The following ADCY8 variants were observed in gnomAD, a reference collection of about 807,000 sequenced individuals.
ADCY8 encodes adenylate cyclase type 8.
ADCY8 carries 51 observed loss-of-function variants against 119.7 expected under a neutral mutation model. The observed-to-expected ratio is 0.43, with a 90% CI of 0.34 to 0.54. ADCY8 has a LOEUF of 0.54. Among genes scored for constraint, ADCY8 ranks in the 20% least tolerant of loss-of-function variants. ADCY8 has a pLI of 0.03. For synonymous variants in ADCY8, 665 were observed against 651.0 expected (o/e 1.02, Z -0.33); for missense variants, 1,383 against 1,598.8 (o/e 0.87, Z 2.30).
At chr8:130,971,838 A>G (rs980515659) in intron 2 of ADCY8, among the ~76,000 whole-genome samples, 3 of 152,210 alleles carry the variant, frequency 2.0e-5, no homozygotes, top group Non-Finnish European at 4.4e-5. Context: ...TGGAGCTTCA[A>G]ATAGTTGGAT....
intron 7 of ADCY8, among the ~76,000 whole-genome samples, chr8:130,889,482 C>T (rs1819107861): frequency 6.6e-6 from 1 of 152,100 alleles, no homozygotes. Flanking sequence ...CTTGAATTGC[C>T]TCTATATGTT....
chr8:130,806,482 T>C (rs1815962519), intron 14 of ADCY8, among the ~76,000 whole-genome samples: 1 of 152,084 alleles, frequency 6.6e-6, no homozygotes, highest in Non-Finnish European at 1.5e-5. Flanking sequence ...GATAAAGGGC[T>C]TAATTAGAAA....
At chr8:130,970,078 C>T (rs1019817569) in intron 2 of ADCY8, among the ~76,000 whole-genome samples, 3 of 152,200 alleles carry the variant, frequency 2.0e-5, no homozygotes, top group Non-Finnish European at 2.9e-5. Flanking sequence ...CATGTGCTTT[C>T]AACCTAATCT....
At chr8:131,035,689 C>T (rs73350478) in intron 1 of ADCY8, among the ~76,000 whole-genome samples, 11,963 of 152,200 alleles carry the variant, frequency 0.079, 1,401 homozygotes, top group African/African-American at 0.25. Context: ...GGAAGGCAAT[C>T]ATTGGCTCAT....
chr8:131,039,925 T>G lies in ADCY8; in HGVS notation c.409A>C (p.Ser137Arg). 1 of 1,609,222 alleles carries G rather than the reference T, an allele frequency of 6.2e-7. No homozygotes were observed. The highest frequency in any genetic ancestry group is 8.5e-7 in the Non-Finnish European group (1 of 1,177,716). Residue 137 changes from serine (S) to arginine (R), a missense_variant, in exon 1 of 18, where the codon AGC becomes CGC. Coordinates refer to ENST00000286355, the MANE Select transcript of ADCY8 (RefSeq NM_001115.3). Reference protein sequence around the residue: ...LGFLHLDCAPSNSDFFLNGGY... With the variant: ...LGFLHLDCAPRNSDFFLNGGY... ...CCATTAAGAAAGAAATCCGAGTTGC[T>G]AGGGGCACAGTCAAGGTGCAGGAAG... is the stretch of plus-strand genomic sequence containing the variant.
At chr8:131,026,553 A>G (rs1014080818) in intron 1 of ADCY8, among the ~76,000 whole-genome samples, 2 of 152,134 alleles carry the variant, frequency 1.3e-5, no homozygotes, top group African/African-American at 4.8e-5. Context: ...AGCCTTTCCC[A>G]CAAATTATGA....
In ADCY8 at chr8:130,909,945, T is replaced by C. The variant is rs1291787247; in HGVS notation, c.1482-79A>G. 1.0e-5 allele frequency: 14 copies of C among 1,370,034 alleles called. No individual in the cohort carries two copies. In the East Asian group the frequency reaches 1.4e-4, roughly 14 times the overall value. The allele number at this position is 1,370,034 out of a possible 1,614,324, so 84.9% of individuals were successfully genotyped here. A position where few individuals can be genotyped will look rare whatever the true frequency, so the allele number is the denominator to read the frequency against. ...TTGGCTCTGCACTTTCTTTTCTTTT[T>C]TTTTTTTTTTGAGACGGAGTTTTGC... On this transcript the variant is annotated intron_variant, in intron 5 of 17. Coordinates refer to ENST00000286355, the MANE Select transcript of ADCY8 (RefSeq NM_001115.3).
intron 11 of ADCY8, among the ~76,000 whole-genome samples, chr8:130,847,124 A>G (rs1817354272): frequency 6.6e-6 from 1 of 151,972 alleles, no homozygotes; most frequent in African/African-American, 2.4e-5. Context: ...TGGAAAATGG[A>G]TAGAAGGAAA....
intron 8 of ADCY8, among the ~76,000 whole-genome samples, chr8:130,875,203 T>C (rs919768720): frequency 6.6e-6 from 1 of 151,556 alleles, no homozygotes. Context: ...AATAAAGGAG[T>C]CTTATAAGGC....
At chr8:131,025,491 G>C (rs1284078480) in intron 1 of ADCY8, among the ~76,000 whole-genome samples, 3 of 152,152 alleles carry the variant, frequency 2.0e-5, no homozygotes, top group Non-Finnish European at 4.4e-5. Context: ...TACTCAACAA[G>C]CTTCTGATAT....
intron 12 of ADCY8, among the ~76,000 whole-genome samples, chr8:130,829,941 C>T (rs960744579): frequency 3.3e-5 from 5 of 152,178 alleles, no homozygotes; most frequent in African/African-American, 9.7e-5. Flanking sequence ...CATGAACATG[C>T]CTTTCTTCCA....
intron 9 of ADCY8, among the ~76,000 whole-genome samples, chr8:130,857,505 C>T (rs2130353095): frequency 6.6e-6 from 1 of 152,266 alleles, no homozygotes; most frequent in East Asian, 1.9e-4. Context: ...TGACCCGTAG[C>T]ATTTCTCACT....
At chr8:130,977,606 T>C (rs1586624047) in intron 2 of ADCY8, among the ~76,000 whole-genome samples, 2 of 152,190 alleles carry the variant, frequency 1.3e-5, no homozygotes, top group African/African-American at 4.8e-5. Context: ...TGAGAGCTCT[T>C]ATTGGGCACC....
chr8:130,994,565 T>C (rs1239003770), intron 1 of ADCY8, among the ~76,000 whole-genome samples: 2 of 152,204 alleles, frequency 1.3e-5, no homozygotes, highest in African/African-American at 2.4e-5. Flanking sequence ...CCATATTATC[T>C]TACCATAAAC....
chr8:131,033,681 C>T (rs1824061257), intron 1 of ADCY8, among the ~76,000 whole-genome samples: 2 of 151,996 alleles, frequency 1.3e-5, no homozygotes, highest in South Asian at 4.1e-4. Flanking sequence ...TGTCTACAGG[C>T]CAGAGCTGAA....
At chr8:130,911,692 C>A (rs912585845) in intron 5 of ADCY8, among the ~76,000 whole-genome samples, 1 of 150,154 alleles carries the variant, frequency 6.7e-6, no homozygotes, top group African/African-American at 2.4e-5. Flanking sequence ...TTTTTATTTT[C>A]TCATTATCCT....
chr8:130,985,049 G>C (rs1822356444), intron 2 of ADCY8, among the ~76,000 whole-genome samples: 1 of 152,136 alleles, frequency 6.6e-6, no homozygotes, highest in Non-Finnish European at 1.5e-5. Flanking sequence ...GGAGGAGGAA[G>C]AGGGATATGT....
At chr8:130,882,964 T>C (rs972573541) in intron 8 of ADCY8, among the ~76,000 whole-genome samples, 9 of 152,122 alleles carry the variant, frequency 5.9e-5, no homozygotes, top group African/African-American at 1.9e-4. Context: ...TAGCACAGGC[T>C]AGGTGGTCTG....
intron 3 of ADCY8, 35 bp from the exon 4 acceptor site, chr8:130,943,497 G>GGGGGGGGGCCCCCCCCCC: frequency 2.0e-6 from 1 of 491,352 alleles, no homozygotes; most frequent in Non-Finnish European, 4.2e-6. Flanking sequence ...GTGGGGGGAG[G>GGGGGGGGGCCCCCCCCCC]AAGTATATTA....
Sources: allele counts gnomAD v4.1 joint callset (sites outside exome capture counted in the v4.1 genomes callset), GRCh38; gene constraint gnomAD v4.1.1; transcripts MANE v1.5; gene names NCBI Gene and HGNC (gene_info 2026-07-23, HGNC 2026-07-21).